MIB1: variants seen among roughly 807,000 people sequenced by gnomAD.
MIB1 encodes E3 ubiquitin-protein ligase MIB1.
A neutral mutation model predicts 124.5 loss-of-function variants in MIB1; 278 were observed. That is an observed-to-expected ratio of 2.23 (90% confidence interval 2.02 to 2.47). MIB1 has a LOEUF of 2.47. Among genes scored for constraint, MIB1 ranks in the 30% most tolerant of loss-of-function variants. The probability of loss-of-function intolerance (pLI) is 0.00; values close to 1 mark genes in which losing one functional copy is unlikely to be tolerated. For missense variants in MIB1, 957 were observed against 1,254.4 expected (o/e 0.76, Z 3.58); for synonymous variants, 446 against 429.4 (o/e 1.04, Z -0.48).
At chr18:21,750,253 G>A (rs572872884) in intron 1 of MIB1, among the ~76,000 whole-genome samples, 7 of 152,252 alleles carry the variant, frequency 4.6e-5, no homozygotes, top group African/African-American at 9.6e-5. Flanking sequence ...CTGGGTGCAA[G>A]CGATTCTCCT....
intron 20 of MIB1, among the ~76,000 whole-genome samples, chr18:21,861,093 C>T (rs1205510245): frequency 1.3e-5 from 2 of 152,200 alleles, no homozygotes; most frequent in East Asian, 1.9e-4. Context: ...GGCATTTAAA[C>T]CCCCATCTGA....
chr18:21,740,092 A>G (rs1278264527), upstream of MIB1, among the ~76,000 whole-genome samples: 1 of 152,206 alleles, frequency 6.6e-6, no homozygotes, highest in Non-Finnish European at 1.5e-5. Flanking sequence ...TTATGCTAAC[A>G]ATGCATGCTA....
Position 21,849,369 on chromosome 18 carries a change from A to G in MIB1, c.2567A>G (p.Gln856Arg). ...AAGAAATGCCTCATCTGTAAAGAAC[A>G]GGTTCAATCCAGGACAAAGGTAAGA... ...RVKKCLICKE[Q>R]VQSRTKIEEC... The change falls in exon 17 of 21, where the codon CAG becomes CGG. Residue 856 changes from glutamine (Q) to arginine (R), a missense_variant. Transcript: ENST00000261537. 6.2e-7 allele frequency: 1 copy of G among 1,608,538 alleles called. No homozygotes were observed. Among genetic ancestry groups the G allele is most frequent in the Non-Finnish European group, 8.5e-7 (1 of 1,177,200 alleles).
intron 12 of MIB1, among the ~76,000 whole-genome samples, chr18:21,820,871 T>C (rs1461507781): frequency 6.6e-6 from 1 of 152,212 alleles, no homozygotes; most frequent in East Asian, 1.9e-4. Context: ...TTGAGCAAGG[T>C]CTAGGTGACT....
intron 18 of MIB1, 108 bp from the exon 19 acceptor site, chr18:21,857,022 A>G (rs1598645420): frequency 4.1e-6 from 3 of 738,310 alleles, no homozygotes; most frequent in East Asian, 5.3e-5. Flanking sequence ...TATAACTTGT[A>G]TAACATTTAT....
chr18:21,788,335 A>G (rs1372386683), intron 6 of MIB1, among the ~76,000 whole-genome samples: 1 of 152,244 alleles, frequency 6.6e-6, no homozygotes, highest in Admixed American at 6.5e-5. Context: ...TAGGTATAGC[A>G]TTAGGCCTGA....
At chr18:21,779,813 T>G (rs1471299121) in intron 6 of MIB1, 128 bp downstream of exon 6, 4 of 715,684 alleles carry the variant, frequency 5.6e-6, no homozygotes, top group Non-Finnish European at 7.2e-6. Flanking sequence ...TAAGTAAAAA[T>G]CCAGAATATA....
chr18:21,784,033 G>A (rs897852563), intron 6 of MIB1, among the ~76,000 whole-genome samples: 3 of 149,772 alleles, frequency 2.0e-5, no homozygotes, highest in African/African-American at 7.4e-5. Context: ...GTGAGCCACT[G>A]CACCCAGCCT....
At chr18:21,779,373 T>C in intron 5 of MIB1, 108 bp from the exon 6 acceptor site, 1 of 834,158 alleles carries the variant, frequency 1.2e-6, no homozygotes, top group Non-Finnish European at 2.0e-6. Context: ...CTTTTAAAAC[T>C]AGATGGTACC....
At chr18:21,834,616 T>G (rs1430859562) in intron 12 of MIB1, among the ~76,000 whole-genome samples, 2 of 152,188 alleles carry the variant, frequency 1.3e-5, no homozygotes, top group African/African-American at 2.4e-5. Flanking sequence ...GCCTTCTTAC[T>G]AAGAACCAAT....
At chr18:21,777,970 A>G in intron 4 of MIB1, 133 bp from the exon 5 acceptor site, 1 of 623,996 alleles carries the variant, frequency 1.6e-6, no homozygotes, top group East Asian at 2.8e-5. Flanking sequence ...AGCAGTGTTT[A>G]GTGTGATTGT....
chr18:21,806,759 G>T (rs570927325), intron 10 of MIB1, among the ~76,000 whole-genome samples: 21 of 152,124 alleles, frequency 1.4e-4, no homozygotes, highest in Admixed American at 5.2e-4. Flanking sequence ...GAGTAGCTGG[G>T]ACTACAGGCG....
chr18:21,810,265 T>C (rs1010097539), intron 10 of MIB1, among the ~76,000 whole-genome samples: 6 of 152,102 alleles, frequency 3.9e-5, no homozygotes, highest in Non-Finnish European at 8.8e-5. Context: ...CTGGAACTAC[T>C]TCCCATGTTC....
At chr18:21,721,181 TTTTTTTTTTTTTTTTTTG>T (rs2040714019) in intron 1 of MIB1, among the ~76,000 whole-genome samples, 1 of 114,420 alleles carries the variant, frequency 8.7e-6, no homozygotes, top group Admixed American at 8.8e-5. Context: ...TTTTTTTTTT[TTTTTTTTTTTTTTTTTTG>T]AGACAGAGTC....
At chr18:21,835,094 G>T (rs983725707) in intron 12 of MIB1, among the ~76,000 whole-genome samples, 42 of 152,154 alleles carry the variant, frequency 2.8e-4, no homozygotes, top group Admixed American at 1.3e-4. Flanking sequence ...TTTCTCCACA[G>T]CTTAGTAAAT....
At chr18:21,811,898 A>T (rs1306375075) in intron 10 of MIB1, among the ~76,000 whole-genome samples, 2 of 152,170 alleles carry the variant, frequency 1.3e-5, no homozygotes, top group African/African-American at 4.8e-5. Flanking sequence ...TTTTGCTGCA[A>T]TAAAAATATT....
chr18:21,778,403 A>G lies in MIB1; in HGVS notation c.703+234A>G, dbSNP rs182452363. On this transcript the variant is annotated intron_variant, in intron 5 of 20. Coordinates refer to ENST00000261537, the MANE Select transcript of MIB1 (RefSeq NM_020774.4). Reference sequence around the variant, plus strand: ...CATTTATGTCATAATATACATTTGAAACTTTTATGTTTTAACTGCAAATTA... The same window carrying G: ...CATTTATGTCATAATATACATTTGAGACTTTTATGTTTTAACTGCAAATTA... Among the ~76,000 whole-genome samples, 354 of 152,182 alleles carry G rather than the reference A, an allele frequency of 2.3e-3. 1 individual carries two copies. The highest frequency in any genetic ancestry group is 0.01 in the Middle Eastern group (3 of 294).
At chr18:21,725,217 T>A (rs1320379422) in intron 1 of MIB1, among the ~76,000 whole-genome samples, 1 of 152,108 alleles carries the variant, frequency 6.6e-6, no homozygotes, top group African/African-American at 2.4e-5. Context: ...CACTAACAAT[T>A]TGATTTTCAA....
intron 2 of MIB1, among the ~76,000 whole-genome samples, chr18:21,767,633 C>T (rs914646673): frequency 2.6e-5 from 4 of 152,110 alleles, no homozygotes; most frequent in South Asian, 2.1e-4. Context: ...CTGTAACCTC[C>T]GCCTCCCAGG....
Sources: allele counts gnomAD v4.1 joint callset (sites outside exome capture counted in the v4.1 genomes callset), GRCh38; gene constraint gnomAD v4.1.1; transcripts MANE v1.5; gene names NCBI Gene and HGNC (gene_info 2026-07-23, HGNC 2026-07-21).